Variants in ATG5 observed in about 807,000 individuals in gnomAD.
The protein encoded by ATG5 is autophagy protein 5.
Under a neutral mutation model 36.5 loss-of-function variants are expected in ATG5, and 14 were observed. That is an observed-to-expected ratio of 0.38 (90% confidence interval 0.25 to 0.60). The LOEUF is 0.60. Ranked by LOEUF, ATG5 falls within the 20% of genes least tolerant of loss-of-function variation. The pLI is 0.60. For synonymous variants in ATG5, 95 were observed against 101.5 expected, an observed-to-expected ratio of 0.94 and a Z score of 0.38; for missense variants, 195 against 326.7, an observed-to-expected ratio of 0.60 and a Z score of 3.11.
intron 4 of ATG5, among the ~76,000 whole-genome samples, chr6:106,286,235 A>G (rs1780074383): frequency 6.6e-6 from 1 of 152,142 alleles, no homozygotes; most frequent in South Asian, 2.1e-4. Context: ...GTGCATCCTC[A>G]GCTCAACTGA....
chr6:106,273,247 C>CA lies in ATG5; in HGVS notation c.478+6413dup, dbSNP rs547327824. Among the ~76,000 whole-genome samples, 526 of 152,268 alleles carry CA rather than the reference C, an allele frequency of 3.5e-3. 4 individuals are homozygous for CA. Among genetic ancestry groups the CA allele is most frequent in the African/African-American group, 0.012 (498 of 41,562 alleles). On this transcript the variant is annotated intron_variant, in intron 5 of 7. Transcript: ENST00000369076. ...ACAAAAAACACAGAAATTAAAGACTCAAAATAGATACACAGGTAGTAGCTG... is the reference window on the plus strand; with the variant it reads ...ACAAAAAACACAGAAATTAAAGACTCAAAAATAGATACACAGGTAGTAGCTG...
intron 1 of ATG5, among the ~76,000 whole-genome samples, chr6:106,317,913 G>A (rs528097496): frequency 6.6e-6 from 1 of 152,270 alleles, no homozygotes; most frequent in East Asian, 1.9e-4. Flanking sequence ...AATTGAATCT[G>A]ATATAAAGGT....
At chr6:106,195,422 T>C (rs762716177) in intron 7 of ATG5, among the ~76,000 whole-genome samples, 3 of 152,216 alleles carry the variant, frequency 2.0e-5, no homozygotes, top group Non-Finnish European at 2.9e-5. Context: ...ACAGGTGAAC[T>C]GAACCAGGCA....
chr6:106,304,861 G>A (rs554338278), intron 3 of ATG5, among the ~76,000 whole-genome samples: 2 of 152,160 alleles, frequency 1.3e-5, no homozygotes, highest in Admixed American at 6.6e-5. Flanking sequence ...GGAGGCCCAG[G>A]CAGGTGGAGC....
chr6:106,237,212 T>A (rs1298160138), intron 6 of ATG5, among the ~76,000 whole-genome samples: 1 of 152,158 alleles, frequency 6.6e-6, no homozygotes, highest in Non-Finnish European at 1.5e-5. Flanking sequence ...AAGAAAATTT[T>A]AAATAAAAGC....
intron 6 of ATG5, among the ~76,000 whole-genome samples, chr6:106,226,866 C>G (rs1777470416): frequency 6.6e-6 from 1 of 152,006 alleles, no homozygotes; most frequent in Non-Finnish European, 1.5e-5. Flanking sequence ...CTGATTTGGG[C>G]AGCCAGAAGA....
chr6:106,246,355 T>TTC (rs1172601094), intron 6 of ATG5, among the ~76,000 whole-genome samples: 1 of 128,168 alleles, frequency 7.8e-6, no homozygotes, highest in Non-Finnish European at 1.7e-5. Flanking sequence ...ATAAAAACCA[T>TTC]TCTCTCTCTG....
At chr6:106,270,730 T>A (rs2114579001) in intron 5 of ATG5, among the ~76,000 whole-genome samples, 1 of 152,328 alleles carries the variant, frequency 6.6e-6, no homozygotes, top group Admixed American at 6.5e-5. Context: ...CATCTCAAAC[T>A]TTTAGCCTCC....
At position 106,248,159 on chromosome 6, in the gene ATG5, T is replaced by C. The variant is rs1582606966; in HGVS notation, c.564A>G (p.Arg188=). 1 of 1,600,318 alleles carries C rather than the reference T, an allele frequency of 6.2e-7. No individual in the cohort carries two copies. The highest frequency in any genetic ancestry group is 8.6e-7 in the Non-Finnish European group (1 of 1,167,616). The change falls in exon 6 of 8, where the codon AGA becomes AGG. Residue 188 remains arginine (R), a synonymous_variant. Coordinates refer to ENST00000369076, the MANE Select transcript of ATG5 (RefSeq NM_004849.4). Reference sequence around the variant, plus strand: ...AAATGTTATTTCCTACCTGATATATTCTAAAGGGGATATAACGAAATCCAT... The same window carrying C: ...AAATGTTATTTCCTACCTGATATATCCTAAAGGGGATATAACGAAATCCAT... The part of the protein sequence containing the change: ...EENGFRYIPF[R]IYQTTTERPF...
At chr6:106,268,762 AAACT>A (rs1779324344) in intron 5 of ATG5, among the ~76,000 whole-genome samples, 1 of 152,194 alleles carries the variant, frequency 6.6e-6, no homozygotes. Flanking sequence ...TATCCTCGGC[AAACT>A]AACACAGGAA....
chr6:106,233,394 C>T (rs1777764715), intron 6 of ATG5, among the ~76,000 whole-genome samples: 1 of 152,206 alleles, frequency 6.6e-6, no homozygotes, highest in Admixed American at 6.5e-5. Context: ...AGATGGACAC[C>T]TGAAGCAGAA....
intron 6 of ATG5, among the ~76,000 whole-genome samples, chr6:106,204,906 A>G (rs1290470560): frequency 6.6e-6 from 1 of 152,234 alleles, no homozygotes; most frequent in Non-Finnish European, 1.5e-5. Context: ...ATACAAGTTG[A>G]AACCAAGAAC....
intron 6 of ATG5, among the ~76,000 whole-genome samples, chr6:106,240,294 C>T (rs2743561): frequency 0.05 from 7,431 of 148,986 alleles, 406 homozygotes; most frequent in African/African-American, 0.13. Flanking sequence ...ATGTGTTTGA[C>T]GGTAAAAGTT....
intron 4 of ATG5, among the ~76,000 whole-genome samples, chr6:106,283,112 G>A (rs2114608903): frequency 6.6e-6 from 1 of 152,146 alleles, no homozygotes; most frequent in African/African-American, 2.4e-5. Context: ...AGATTTGAAT[G>A]TTGAATCAAT....
At chr6:106,232,561 T>C (rs1434344930) in intron 6 of ATG5, among the ~76,000 whole-genome samples, 4 of 152,046 alleles carry the variant, frequency 2.6e-5, no homozygotes, top group Non-Finnish European at 5.9e-5. Context: ...AACTAAAGGA[T>C]TCTGCCTCCT....
chr6:106,250,516 G>A (rs1296589118), intron 5 of ATG5, among the ~76,000 whole-genome samples: 1 of 152,158 alleles, frequency 6.6e-6, no homozygotes, highest in Non-Finnish European at 1.5e-5. Flanking sequence ...AACAGTTGCT[G>A]CCACGAAACT....
chr6:106,216,274 A>C (rs181225068), intron 6 of ATG5, among the ~76,000 whole-genome samples: 1 of 152,338 alleles, frequency 6.6e-6, no homozygotes, highest in Admixed American at 6.5e-5. Context: ...ATGAAAATAT[A>C]TGTTCACCAA....
intron 2 of ATG5, among the ~76,000 whole-genome samples, chr6:106,312,801 G>C (rs1304523051): frequency 6.6e-6 from 1 of 152,108 alleles, no homozygotes; most frequent in East Asian, 1.9e-4. Context: ...AACAGACTCT[G>C]AGCTTGGCTA....
rs1041898598 is a variant in ATG5 at position 106,211,330 on chromosome 6, C to T, written c.574-9241G>A. On this transcript the variant is annotated intron_variant, in intron 6 of 7. Coordinates refer to ENST00000369076, the MANE Select transcript of ATG5 (RefSeq NM_004849.4). Reference sequence around the variant, plus strand: ...ACTTAAAATGGCCTTAATTAAAAGCCAAGCACGGATGGAGGTGCTGGGGGA... The same window carrying T: ...ACTTAAAATGGCCTTAATTAAAAGCTAAGCACGGATGGAGGTGCTGGGGGA... Among the ~76,000 whole-genome samples the T allele has an allele frequency of 3.9e-4, 60 of 152,322 alleles. 1 individual carries two copies. The highest frequency in any genetic ancestry group is 1.4e-3 in the African/African-American group (60 of 41,570).
Sources: gnomAD v4.1 joint callset for allele counts (sites outside exome capture counted in the v4.1 genomes callset) on GRCh38, gnomAD v4.1.1 for gene constraint, MANE v1.5 for transcripts, NCBI Gene and HGNC (gene_info 2026-07-23, HGNC 2026-07-21) for gene names.